The following MREG variants were observed in gnomAD, a reference collection of about 807,000 sequenced individuals.
MREG encodes the protein dilute suppressor protein homolog.
In MREG, 31 loss-of-function variants were observed where a neutral mutation model predicts 28.5. That is an observed-to-expected ratio of 1.09 (90% CI 0.82 to 1.47). The LOEUF is 1.47. MREG is among the 40% of genes most tolerant of loss of function. The pLI, the probability that MREG is intolerant of heterozygous loss-of-function variation, is 0.00. For synonymous variants in MREG, 106 were observed against 95.2 expected (o/e 1.11, Z -0.66); for missense variants, 256 against 257.4 (o/e 0.99, Z 0.04).
chr2:216,005,803 A>G (rs1694138052), intron 1 of MREG, among the ~76,000 whole-genome samples: 1 of 150,164 alleles, frequency 6.7e-6, no homozygotes, highest in African/African-American at 2.5e-5. Context: ...TTTGTCTGTA[A>G]TATCACACAT....
intron 2 of MREG, among the ~76,000 whole-genome samples, chr2:215,948,441 A>C (rs1347728183): frequency 2.0e-5 from 3 of 152,252 alleles, no homozygotes; most frequent in Non-Finnish European, 4.4e-5. Context: ...GCACATGTGC[A>C]TGGTGATTGG....
downstream of MREG, among the ~76,000 whole-genome samples, chr2:215,941,084 C>T (rs947987098): frequency 2.0e-5 from 3 of 152,122 alleles, no homozygotes; most frequent in Non-Finnish European, 4.4e-5. Flanking sequence ...TCTCCAGTGT[C>T]TGGTTTTTAC....
At chr2:215,946,602 T>C (rs1692327705) in intron 3 of MREG, among the ~76,000 whole-genome samples, 1 of 152,170 alleles carries the variant, frequency 6.6e-6, no homozygotes. Context: ...TTCTTCCATA[T>C]TTCTTCCGAA....
chr2:216,008,607 C>T (rs1462844296), intron 1 of MREG, among the ~76,000 whole-genome samples: 1 of 152,164 alleles, frequency 6.6e-6, no homozygotes, highest in Non-Finnish European at 1.5e-5. Flanking sequence ...AATGGACAGA[C>T]GTCACTGTTT....
chr2:215,968,628 A>G (rs1042261180), intron 2 of MREG, among the ~76,000 whole-genome samples: 1 of 152,080 alleles, frequency 6.6e-6, no homozygotes, highest in African/African-American at 2.4e-5. Flanking sequence ...TCCCTCTTAC[A>G]AGCTTCCCCT....
intron 1 of MREG, 54 bp from the exon 2 acceptor site, chr2:215,996,519 T>C (rs1463791325): frequency 2.3e-6 from 3 of 1,314,466 alleles, no homozygotes; most frequent in Non-Finnish European, 3.2e-6. Context: ...TAAAATGTTA[T>C]ATGTCATATG....
rs141197622 is a variant in MREG at position 215,954,427 on chromosome 2, T to C, written c.256-7314A>G. ...ATACTCAGGCTAAAATGATCCTTAT[T>C]GTATTTGATCTGTGTACAACACACA... is the stretch of plus-strand genomic sequence containing the variant. On this transcript the variant is annotated intron_variant, in intron 2 of 4. Coordinates refer to ENST00000263268, the MANE Select transcript of MREG (RefSeq NM_018000.3). Among the ~76,000 whole-genome samples the C allele has an allele frequency of 4.6e-5, 6 of 129,538 alleles. 1 individual carries two copies. In the East Asian group the frequency reaches 1.5e-3, roughly 33 times the overall value. 85.0% of individuals were successfully genotyped at this position (129,538 alleles called of 152,430 possible). A position where few individuals can be genotyped will look rare whatever the true frequency, so the allele number is the denominator to read the frequency against.
At chr2:216,002,014 C>T (rs1484606903) in intron 1 of MREG, among the ~76,000 whole-genome samples, 1 of 152,150 alleles carries the variant, frequency 6.6e-6, no homozygotes, top group East Asian at 1.9e-4. Context: ...GACCATAAGT[C>T]AGAAGGTTCC....
At chr2:215,965,870 T>C (rs1239746595) in intron 2 of MREG, among the ~76,000 whole-genome samples, 1 of 152,188 alleles carries the variant, frequency 6.6e-6, no homozygotes, top group African/African-American at 2.4e-5. Flanking sequence ...ACCAATCTAA[T>C]TTCTCATCAA....
At chr2:215,973,837 C>A (rs946939419) in intron 2 of MREG, among the ~76,000 whole-genome samples, 6 of 152,214 alleles carry the variant, frequency 3.9e-5, no homozygotes, top group Admixed American at 2.6e-4. Flanking sequence ...CCATCAAAGG[C>A]ACCTGAACCT....
rs554250823 is a variant in MREG, at chr2:215,945,720, C to T, written c.361G>A (p.Ala121Thr). The change falls in exon 4 of 5, where the codon GCT (alanine) becomes ACT (threonine). Residue 121 changes from alanine (A) to threonine (T), a missense_variant. By Grantham distance (58) the Ala-to-Thr change is moderately conservative. Transcript: ENST00000263268. The stretch of plus-strand genomic sequence containing the variant: ...TTAGTCACTGACAACAAAGAGTCAG[C>T]TTCCTTTTGAAAACCTAAGGTAGAA... ...ILEDLGFQKEADSLLSVTKLS... is the reference protein window; with the variant it reads ...ILEDLGFQKETDSLLSVTKLS... The T allele has an allele frequency of 9.4e-5, 152 of 1,612,986 alleles. 5 individuals carry two copies. The South Asian group carries it at 1.5e-3, about 16-fold the overall frequency.
At chr2:216,005,028 A>G (rs1694112590) in intron 1 of MREG, among the ~76,000 whole-genome samples, 1 of 152,176 alleles carries the variant, frequency 6.6e-6, no homozygotes, top group African/African-American at 2.4e-5. Flanking sequence ...GGTATATTTG[A>G]GGAACCAGGG....
chr2:216,005,753 C>G (rs1262479271), intron 1 of MREG, among the ~76,000 whole-genome samples: 1 of 150,114 alleles, frequency 6.7e-6, no homozygotes, highest in African/African-American at 2.4e-5. Context: ...CATGCCCAGC[C>G]TATAGTTATT....
chr2:216,013,063 G>A (rs1694353859), intron 1 of MREG, among the ~76,000 whole-genome samples, 170 bp downstream of exon 1: 1 of 152,280 alleles, frequency 6.6e-6, no homozygotes, highest in South Asian at 2.1e-4. Context: ...TCTTACTCAA[G>A]GAACAAACCC....
rs1178585359 is a variant in MREG, at chr2:215,943,923, TA to T, written c.*939del. ...CAAAGATGAGAGAACCAGATATCAA[TA>T]ATGTTGGGAATTTAAAATGCAAGTA... is the stretch of plus-strand genomic sequence containing the variant. On this transcript the variant is annotated 3_prime_UTR_variant, in exon 5 of 5. Transcript: ENST00000263268. Among the ~76,000 whole-genome samples the T allele has an allele frequency of 1.5e-5, 2 of 135,404 alleles. No individual in the cohort carries two copies. The highest frequency in any genetic ancestry group is 3.1e-5 in the Non-Finnish European group (2 of 63,998). 88.8% of individuals were successfully genotyped at this position (135,404 alleles called of 152,430 possible).
intron 2 of MREG, among the ~76,000 whole-genome samples, chr2:215,985,117 G>C (rs1693532235): frequency 6.6e-6 from 1 of 152,122 alleles, no homozygotes; most frequent in African/African-American, 2.4e-5. Context: ...TGTTAAAGAG[G>C]ACACAGTTAA....
chr2:216,018,361 A>G (rs147463616), upstream of MREG, among the ~76,000 whole-genome samples: 36 of 152,324 alleles, frequency 2.4e-4, no homozygotes, highest in African/African-American at 7.0e-4. Flanking sequence ...TCTTTGCAAT[A>G]TCCCCAACGC....
Position 215,963,384 on chromosome 2 carries a change from C to T in MREG, c.256-16271G>A, listed in dbSNP as rs566805458. ...GGCGGAGATTGCAGTAGGCCGAGAT[C>T]GTGATCATGCCACTGTACTCCAGCC... On this transcript the variant is annotated intron_variant, in intron 2 of 4. Coordinates refer to ENST00000263268, the MANE Select transcript of MREG (RefSeq NM_018000.3). Among the ~76,000 whole-genome samples, 3 of 145,098 alleles carry T rather than the reference C, an allele frequency of 2.1e-5. No homozygotes were observed. The East Asian group carries it at 6.4e-4, about 31-fold the overall frequency.
intron 1 of MREG, among the ~76,000 whole-genome samples, chr2:216,026,352 T>C (rs990047569): frequency 6.8e-6 from 1 of 147,936 alleles, no homozygotes; most frequent in African/African-American, 2.6e-5. Flanking sequence ...ACTTCCATTG[T>C]GTTTATTTAT....
Sources: allele counts gnomAD v4.1 joint callset (sites outside exome capture counted in the v4.1 genomes callset), GRCh38; gene constraint gnomAD v4.1.1; transcripts MANE v1.5; gene names NCBI Gene and HGNC (gene_info 2026-07-23, HGNC 2026-07-21).